The following ASAP1 variants were observed in gnomAD, a reference collection of about 807,000 sequenced individuals.
ASAP1 encodes ArfGAP with SH3 domain, ankyrin repeat and PH domain 1.
A neutral mutation model predicts 145.2 loss-of-function variants in ASAP1; 43 were observed. That is an observed-to-expected ratio of 0.30 (90% CI 0.23 to 0.38). The LOEUF (loss-of-function observed/expected upper bound fraction) is 0.38, where lower values mean the gene tolerates loss of function less well. ASAP1 is among the 10% of genes least tolerant of loss of function. ASAP1 has a pLI of 1.00. For synonymous variants in ASAP1, 546 were observed against 515.5 expected (o/e 1.06, Z -0.80); for missense variants, 1,018 against 1,355.3 (o/e 0.75, Z 3.91).
intron 4 of ASAP1, among the ~76,000 whole-genome samples, chr8:130,234,606 G>A (rs1028919741): frequency 1.3e-5 from 2 of 152,160 alleles, no homozygotes; most frequent in African/African-American, 4.8e-5. Context: ...CCCAGTAGAG[G>A]AGCCTTTGTA....
At chr8:130,386,132 A>C (rs1290427071) in intron 2 of ASAP1, among the ~76,000 whole-genome samples, 1 of 152,188 alleles carries the variant, frequency 6.6e-6, no homozygotes, top group Non-Finnish European at 1.5e-5. Context: ...ATGCTTCTGG[A>C]AACCATACTT....
chr8:130,429,831 T>G (rs1031091551), intron 1 of ASAP1, among the ~76,000 whole-genome samples: 1 of 152,246 alleles, frequency 6.6e-6, no homozygotes, highest in Non-Finnish European at 1.5e-5. Context: ...GAATAACGCA[T>G]GTATACTTCG....
In ASAP1 at chr8:130,300,153, C is replaced by CAGAGAGAGAGAGAGAG. The variant is rs369720584; in HGVS notation, c.186+57848_186+57863dup. Among the ~76,000 whole-genome samples the CAGAGAGAGAGAGAGAG allele has an allele frequency of 1.9e-3, 148 of 76,904 alleles. 6 individuals are homozygous for CAGAGAGAGAGAGAGAG. Among genetic ancestry groups the CAGAGAGAGAGAGAGAG allele is most frequent in the Admixed American group, 7.0e-3 (45 of 6,452 alleles). 50.5% of individuals were successfully genotyped at this position (76,904 alleles called of 152,430 possible). On this transcript the variant is annotated intron_variant, in intron 3 of 29. Coordinates refer to ENST00000518721, the MANE Select transcript of ASAP1 (RefSeq NM_018482.4). ...ACACACACACACACACACACACACA[C>CAGAGAGAGAGAGAGAG]AGAGAGAGAGAGAGAGAGAGAGAGA...
At chr8:130,341,091 T>TAA (rs925919451) in intron 3 of ASAP1, among the ~76,000 whole-genome samples, 5 of 152,088 alleles carry the variant, frequency 3.3e-5, no homozygotes, top group African/African-American at 1.2e-4. Flanking sequence ...CAGATCAAAT[T>TAA]AAGTCACTAA....
intron 2 of ASAP1, among the ~76,000 whole-genome samples, chr8:130,376,793 C>A (rs375560122): frequency 6.7e-6 from 1 of 149,856 alleles, no homozygotes; most frequent in Non-Finnish European, 1.5e-5. Flanking sequence ...ATCCCACATA[C>A]TTGGGAGGCT....
At chr8:130,375,257 C>T (rs922866690) in intron 2 of ASAP1, among the ~76,000 whole-genome samples, 3 of 152,044 alleles carry the variant, frequency 2.0e-5, no homozygotes, top group African/African-American at 7.2e-5. Flanking sequence ...GAGGATAATG[C>T]GCCCTCCCTG....
intron 2 of ASAP1, among the ~76,000 whole-genome samples, chr8:130,359,202 T>C (rs1826573912): frequency 6.6e-6 from 1 of 152,164 alleles, no homozygotes; most frequent in African/African-American, 2.4e-5. Flanking sequence ...TTTCTAATCT[T>C]TCATTTGCAC....
At chr8:130,365,237 A>C (rs1826897740) in intron 2 of ASAP1, among the ~76,000 whole-genome samples, 1 of 152,216 alleles carries the variant, frequency 6.6e-6, no homozygotes, top group Non-Finnish European at 1.5e-5. Flanking sequence ...CAATTTGCTC[A>C]AGGTTAACAG....
chr8:130,233,505 A>G (rs1818032876), intron 4 of ASAP1, among the ~76,000 whole-genome samples: 1 of 152,174 alleles, frequency 6.6e-6, no homozygotes, highest in African/African-American at 2.4e-5. Flanking sequence ...ATCATCTATA[A>G]AATGAGAACA....
At chr8:130,170,703 A>G (rs1813533717) in intron 9 of ASAP1, among the ~76,000 whole-genome samples, 1 of 152,184 alleles carries the variant, frequency 6.6e-6, no homozygotes, top group South Asian at 2.1e-4. Context: ...CATTTAACTG[A>G]AAAATACATG....
At chr8:130,217,434 TACC>T (rs1451757787) in intron 4 of ASAP1, among the ~76,000 whole-genome samples, 3 of 151,996 alleles carry the variant, frequency 2.0e-5, no homozygotes, top group African/African-American at 4.8e-5. Flanking sequence ...CAGTATTTTC[TACC>T]ACATCCTATA....
At chr8:130,119,382 G>A (rs894115458) in intron 18 of ASAP1, among the ~76,000 whole-genome samples, 3 of 152,186 alleles carry the variant, frequency 2.0e-5, no homozygotes, top group Non-Finnish European at 1.5e-5. Context: ...ATGGGAGCAG[G>A]AGACCACATG....
At chr8:130,230,123 G>A (rs767904500) in intron 4 of ASAP1, among the ~76,000 whole-genome samples, 2 of 151,946 alleles carry the variant, frequency 1.3e-5, no homozygotes, top group Non-Finnish European at 1.5e-5. Context: ...CCAAACTAGC[G>A]GTCGTGGGAT....
At chr8:130,115,318 C>T (rs1245310738) in intron 23 of ASAP1, among the ~76,000 whole-genome samples, 1 of 152,236 alleles carries the variant, frequency 6.6e-6, no homozygotes, top group Non-Finnish European at 1.5e-5. Context: ...GCAACATTAA[C>T]TCCTGCTGGG....
chr8:130,218,465 T>C (rs1817071476), intron 4 of ASAP1, among the ~76,000 whole-genome samples: 1 of 152,208 alleles, frequency 6.6e-6, no homozygotes. Context: ...TCCGATCTCC[T>C]TCCTTCCCTC....
intron 3 of ASAP1, among the ~76,000 whole-genome samples, chr8:130,338,637 TGC>T (rs996523315): frequency 6.6e-6 from 1 of 152,178 alleles, no homozygotes; most frequent in Non-Finnish European, 1.5e-5. Context: ...CAATGGGGTG[TGC>T]TGGAAAATGT....
At chr8:130,143,769 T>G (rs1302177361) in intron 13 of ASAP1, among the ~76,000 whole-genome samples, 1 of 152,256 alleles carries the variant, frequency 6.6e-6, no homozygotes, top group Non-Finnish European at 1.5e-5. Context: ...CACATTTGTC[T>G]TTAGACAGCT....
intron 9 of ASAP1, among the ~76,000 whole-genome samples, chr8:130,173,242 TG>T (rs1813706255): frequency 6.6e-6 from 1 of 152,184 alleles, no homozygotes; most frequent in Non-Finnish European, 1.5e-5. Context: ...AAAATAACCA[TG>T]GCAGTCATTA....
At chr8:130,324,970 G>A (rs933988704) in intron 3 of ASAP1, among the ~76,000 whole-genome samples, 1 of 152,160 alleles carries the variant, frequency 6.6e-6, no homozygotes, top group Non-Finnish European at 1.5e-5. Flanking sequence ...CTGAGAACAA[G>A]GAACCCCCAA....
Sources: gnomAD v4.1 joint callset for allele counts (sites outside exome capture counted in the v4.1 genomes callset) on GRCh38, gnomAD v4.1.1 for gene constraint, MANE v1.5 for transcripts, NCBI Gene and HGNC (gene_info 2026-07-23, HGNC 2026-07-21) for gene names.